The following EFHC1 variants were observed in gnomAD, a reference collection of about 807,000 sequenced individuals.
EFHC1 encodes the protein EF-hand domain containing 1.
A neutral mutation model predicts 69.9 loss-of-function variants in EFHC1; 53 were observed. The ratio of observed to expected loss-of-function variants is 0.76; its 90% CI spans 0.61 to 0.95. The LOEUF is 0.95. Among genes scored for constraint, EFHC1 ranks in the 40% least tolerant of loss-of-function variants. The pLI, the probability that EFHC1 is intolerant of heterozygous loss-of-function variation, is 0.00. For synonymous variants in EFHC1, 256 were observed against 278.4 expected (o/e 0.92, Z 0.80); for missense variants, 739 against 798.7 (o/e 0.93, Z 0.90).
intron 9 of EFHC1, chr6:52,482,766 T>C (rs1484773587): frequency 5.0e-6 from 2 of 398,502 alleles, no homozygotes; most frequent in African/African-American, 2.1e-5. Flanking sequence ...CAAACACTTT[T>C]CTCATTTATG....
rs770708334 is a variant in EFHC1, at chr6:52,420,421, A to G, written c.11A>G (p.Asn4Ser). The stretch of plus-strand genomic sequence containing the variant: ...GTGGTACCGGCTGCAATGGTGTCCA[A>G]TCCCGTGCATGGCTTGCCCTTTCTT... The part of the protein sequence containing the change: MVS[N>S]PVHGLPFLPG... Residue 4 changes from asparagine (N) to serine (S), a missense_variant, in exon 1 of 11, where the codon AAT becomes AGT. Physicochemically the swap from Asn to Ser is conservative, Grantham distance 46. Coordinates refer to ENST00000371068, the MANE Select transcript of EFHC1 (RefSeq NM_018100.4). 9.9e-6 allele frequency: 16 copies of G among 1,614,094 alleles called. No homozygotes were observed. The highest frequency in any genetic ancestry group is 2.2e-5 in the South Asian group (2 of 91,088).
chr6:52,448,321 C>T (rs1008620645), intron 3 of EFHC1, among the ~76,000 whole-genome samples: 2 of 152,256 alleles, frequency 1.3e-5, no homozygotes, highest in African/African-American at 4.8e-5. Flanking sequence ...CAATCTCACG[C>T]TGCTGTGCTA....
intron 7 of EFHC1, among the ~76,000 whole-genome samples, chr6:52,469,802 G>A (rs1562458947): frequency 6.6e-6 from 1 of 152,190 alleles, no homozygotes; most frequent in Non-Finnish European, 1.5e-5. Context: ...GTGTGTATCT[G>A]TGTGGCTTTT....
intron 4 of EFHC1, chr6:52,453,548 C>T: frequency 7.8e-7 from 1 of 1,281,014 alleles, no homozygotes. Flanking sequence ...GGATTTTGTT[C>T]ATATCAGTCA....
intron 5 of EFHC1, among the ~76,000 whole-genome samples, chr6:52,456,871 C>T (rs1021246689): frequency 1.2e-4 from 19 of 152,028 alleles, no homozygotes; most frequent in South Asian, 2.1e-4. Context: ...GCGGAGATTG[C>T]GCCACTTCAC....
intron 3 of EFHC1, among the ~76,000 whole-genome samples, chr6:52,441,075 T>C (rs1664518310): frequency 6.6e-6 from 1 of 152,164 alleles, no homozygotes; most frequent in South Asian, 2.1e-4. Context: ...TCTTTCCCAT[T>C]CTTTAGATAG....
intron 1 of EFHC1, chr6:52,420,870 C>T (rs1288457574): frequency 7.1e-6 from 3 of 420,870 alleles, no homozygotes; most frequent in Non-Finnish European, 1.2e-5. Context: ...AGCTCGTTCT[C>T]TCACATCATA....
intron 7 of EFHC1, among the ~76,000 whole-genome samples, chr6:52,478,070 T>C (rs1420945970): frequency 2.6e-5 from 4 of 152,176 alleles, no homozygotes; most frequent in Non-Finnish European, 5.9e-5. Flanking sequence ...ATGTGGCACA[T>C]ATACACCATG....
chr6:52,454,091 A>G lies in EFHC1; in HGVS notation c.724-4A>G, dbSNP rs1764983457. 1 of 1,613,008 alleles carries G rather than the reference A, an allele frequency of 6.2e-7. No individual in the cohort carries two copies. Among genetic ancestry groups the G allele is most frequent in the Non-Finnish European group, 8.5e-7 (1 of 1,179,936 alleles). On this transcript the variant is annotated splice_polypyrimidine_tract_variant and splice_region_variant and intron_variant, in intron 4 of 10. Coordinates refer to ENST00000371068, the MANE Select transcript of EFHC1 (RefSeq NM_018100.4). ...CTTGAGTCACTACTTTGGATTCTTCAAAGGTCCTTCGATTCTATGCAATCT... is the reference window on the plus strand; with the variant it reads ...CTTGAGTCACTACTTTGGATTCTTCGAAGGTCCTTCGATTCTATGCAATCT...
chr6:52,449,164 A>T (rs921945579), intron 3 of EFHC1, among the ~76,000 whole-genome samples: 1 of 152,100 alleles, frequency 6.6e-6, no homozygotes, highest in Non-Finnish European at 1.5e-5. Flanking sequence ...CGGGTGGATC[A>T]TGAGGTCGGG....
chr6:52,428,281 A>G (rs1215573206), intron 2 of EFHC1: 1 of 152,036 alleles, frequency 6.6e-6, no homozygotes, highest in African/African-American at 2.4e-5. Flanking sequence ...ATTTTGGTGC[A>G]CCCATCACCC....
intron 9 of EFHC1, among the ~76,000 whole-genome samples, chr6:52,484,851 G>A (rs1320780450): frequency 6.6e-6 from 1 of 152,030 alleles, no homozygotes; most frequent in Admixed American, 6.6e-5. Context: ...GGGAGATGTT[G>A]GAGGTTTCAA....
Position 52,495,473 on chromosome 6 carries a change from G to A in EFHC1, c.*3132G>A, listed in dbSNP as rs772582898. On this transcript the variant is annotated 3_prime_UTR_variant, in exon 11 of 11. Transcript: ENST00000371068. Reference sequence around the variant, plus strand: ...TCATTCATGGATCGGCAGCAAATCTGCAACATATGGATATATTTGCCAATT... The same window carrying A: ...TCATTCATGGATCGGCAGCAAATCTACAACATATGGATATATTTGCCAATT... 1.3e-5 allele frequency: 6 copies of A among 453,996 alleles called. No homozygotes were observed. The highest frequency in any genetic ancestry group is 9.3e-5 in the South Asian group (6 of 64,480). 28.1% of individuals were successfully genotyped at this position (453,996 alleles called of 1,614,324 possible).
intron 7 of EFHC1, among the ~76,000 whole-genome samples, chr6:52,478,304 T>C (rs974276269): frequency 2.0e-5 from 3 of 152,102 alleles, no homozygotes; most frequent in African/African-American, 7.2e-5. Context: ...AGGGATAGCA[T>C]TGGGAGATAT....
chr6:52,472,618 C>G (rs1765461138), intron 7 of EFHC1, among the ~76,000 whole-genome samples: 1 of 150,376 alleles, frequency 6.6e-6, no homozygotes, highest in Non-Finnish European at 1.5e-5. Context: ...TATGTAACAC[C>G]TAAAAGATGT....
chr6:52,487,409 G>GT (rs1400925813), intron 9 of EFHC1: 1 of 152,166 alleles, frequency 6.6e-6, no homozygotes, highest in African/African-American at 2.4e-5. Context: ...TCAAGGTCCT[G>GT]TTTTTGGTCC....
In EFHC1 at chr6:52,454,098, C is replaced by A. The variant is rs764207331; in HGVS notation, c.727C>A (p.Leu243Ile). 2 of 1,613,130 alleles carry A rather than the reference C, an allele frequency of 1.2e-6. No homozygotes were observed. The highest frequency in any genetic ancestry group is 1.7e-6 in the Non-Finnish European group (2 of 1,179,946). ...CACTACTTTGGATTCTTCAAAGGTC[C>A]TTCGATTCTATGCAATCTGGGATGA... The part of the protein sequence containing the change: ...KQFLTFDKQV[L>I]RFYAIWDDTD... Residue 243 changes from leucine to isoleucine, a missense_variant, in exon 5 of 11, where the codon CTT becomes ATT. By Grantham distance (5) the Leu-to-Ile change is conservative (BLOSUM62 2). Transcript: ENST00000371068.
chr6:52,478,102 T>TG (rs928279273), intron 7 of EFHC1, among the ~76,000 whole-genome samples: 2 of 152,204 alleles, frequency 1.3e-5, no homozygotes, highest in Admixed American at 1.3e-4. Flanking sequence ...AGCCATAAAA[T>TG]TGATGAGTTC....
chr6:52,481,224 G>A (rs996624523), intron 9 of EFHC1, among the ~76,000 whole-genome samples: 1 of 152,124 alleles, frequency 6.6e-6, no homozygotes, highest in Non-Finnish European at 1.5e-5. Flanking sequence ...AATAATTAAG[G>A]ATGACTCCAA....
Sources: gnomAD v4.1 joint callset for allele counts (sites outside exome capture counted in the v4.1 genomes callset) on GRCh38, gnomAD v4.1.1 for gene constraint, MANE v1.5 for transcripts, NCBI Gene and HGNC (gene_info 2026-07-23, HGNC 2026-07-21) for gene names.